The following FMN1 variants were observed in gnomAD, a reference collection of about 807,000 sequenced individuals.
FMN1 encodes the protein formin-1.
Under a neutral mutation model 132.4 loss-of-function variants are expected in FMN1, and 110 were observed. That is an observed-to-expected ratio of 0.83 (90% CI 0.71 to 0.97). FMN1 has a LOEUF of 0.97. Among genes scored for constraint, FMN1 ranks in the 50% least tolerant of loss-of-function variants. The pLI is 0.00. For missense variants in FMN1, 1,792 were observed against 1,705.3 expected, an observed-to-expected ratio of 1.05 and a Z score of -0.90; for synonymous variants, 722 against 651.7, an observed-to-expected ratio of 1.11 and a Z score of -1.64.
chr15:32,820,729 A>T (rs899030948), intron 17 of FMN1, among the ~76,000 whole-genome samples: 1 of 152,216 alleles, frequency 6.6e-6, no homozygotes, highest in Non-Finnish European at 1.5e-5. Flanking sequence ...TAATACTACG[A>T]AGGGCTGATA....
chr15:32,973,296 C>T (rs1449180042), intron 7 of FMN1, among the ~76,000 whole-genome samples: 1 of 152,140 alleles, frequency 6.6e-6, no homozygotes, highest in African/African-American at 2.4e-5. Context: ...CCCTGGATTC[C>T]AGTTTCCTAA....
At chr15:32,962,687 T>C (rs1335747506) in intron 9 of FMN1, among the ~76,000 whole-genome samples, 2 of 148,214 alleles carry the variant, frequency 1.3e-5, no homozygotes, top group East Asian at 2.0e-4. Flanking sequence ...GCGAAGGACA[T>C]GAACAGACAC....
At chr15:33,166,331 T>TC (rs1239472839) in intron 3 of FMN1, among the ~76,000 whole-genome samples, 1 of 151,742 alleles carries the variant, frequency 6.6e-6, no homozygotes, top group African/African-American at 2.4e-5. Context: ...TTTCTTTTTT[T>TC]TTTTTTAAAG....
At chr15:32,999,046 C>T (rs2033941784) in intron 7 of FMN1, among the ~76,000 whole-genome samples, 1 of 152,184 alleles carries the variant, frequency 6.6e-6, no homozygotes, top group East Asian at 1.9e-4. Flanking sequence ...TTCACAGTCA[C>T]ACTAAAATGA....
intron 6 of FMN1, among the ~76,000 whole-genome samples, chr15:33,031,507 C>T (rs2035936685): frequency 6.6e-6 from 1 of 152,160 alleles, no homozygotes; most frequent in Admixed American, 6.5e-5. Context: ...AGGTTTTTTT[C>T]CACTTGGCCA....
chr15:32,963,362 G>T (rs1271311660), intron 9 of FMN1, among the ~76,000 whole-genome samples: 1 of 135,550 alleles, frequency 7.4e-6, no homozygotes, highest in African/African-American at 2.7e-5. Flanking sequence ...GGGGGTGGGG[G>T]GAGGGAAAGC....
At chr15:33,103,204 A>C (rs1210381733) in intron 4 of FMN1, among the ~76,000 whole-genome samples, 1 of 152,090 alleles carries the variant, frequency 6.6e-6, no homozygotes, top group Non-Finnish European at 1.5e-5. Flanking sequence ...ATCAGTCCTA[A>C]TGAACACTTA....
At chr15:33,122,018 T>TA (rs1962608476) in intron 4 of FMN1, among the ~76,000 whole-genome samples, 1 of 152,216 alleles carries the variant, frequency 6.6e-6, no homozygotes, top group African/African-American at 2.4e-5. Context: ...ACACGATCTC[T>TA]ACTTTCAAGG....
rs530681824 is a variant in FMN1, at chr15:32,947,531, G to C, written c.3138+16576C>G. Reference sequence around the variant, plus strand: ...ATTTGTTCTTGCATGCAAATTTTTAGAATAAGCTTGTTAAATTCCAAGTAA... The same window carrying C: ...ATTTGTTCTTGCATGCAAATTTTTACAATAAGCTTGTTAAATTCCAAGTAA... On this transcript the variant is annotated intron_variant, in intron 9 of 20. Transcript: ENST00000616417. 1.6e-4 allele frequency among the ~76,000 whole-genome samples: 24 copies of C among 151,478 alleles called. No individual in the cohort carries two copies. The South Asian group carries it at 4.7e-3, about 30-fold the overall frequency.
intron 9 of FMN1, among the ~76,000 whole-genome samples, chr15:32,962,455 C>T (rs1159035323): frequency 6.6e-6 from 1 of 151,806 alleles, no homozygotes; most frequent in Admixed American, 6.6e-5. Flanking sequence ...GTCTAAAACA[C>T]CAAAAGCAAT....
rs186412241 is a variant in FMN1 at position 32,908,186 on chromosome 15, T to C, written c.3377+304A>G. On this transcript the variant is annotated intron_variant, in intron 12 of 20. Coordinates refer to ENST00000616417, the MANE Select transcript of FMN1 (RefSeq NM_001277313.2). ...TTAAACAGAACAATGCCTTCTTCCT[T>C]CCTCAGTTACCCTTTTGGTCAAATT... 5.1e-5 allele frequency: 13 copies of C among 253,448 alleles called. 1 individual carries two copies. The East Asian group carries it at 9.8e-4, about 19-fold the overall frequency. The allele number at this position is 253,448 out of a possible 1,614,324, so 15.7% of individuals were successfully genotyped here.
chr15:33,140,760 G>A (rs1292686102), intron 4 of FMN1, among the ~76,000 whole-genome samples: 1 of 152,180 alleles, frequency 6.6e-6, no homozygotes, highest in Admixed American at 6.5e-5. Context: ...GTTTATCGTG[G>A]AAACAGCATG....
At chr15:32,887,742 G>A (rs1177709017) in intron 16 of FMN1, among the ~76,000 whole-genome samples, 2 of 152,162 alleles carry the variant, frequency 1.3e-5, no homozygotes, top group African/African-American at 2.4e-5. Flanking sequence ...GACTTGATTA[G>A]AGCTCAGTAA....
At chr15:32,883,719 C>A (rs1396778557) in intron 16 of FMN1, among the ~76,000 whole-genome samples, 2 of 151,994 alleles carry the variant, frequency 1.3e-5, no homozygotes, top group Non-Finnish European at 2.9e-5. Context: ...ACCTTTTACA[C>A]AACTTATGCT....
At chr15:32,949,897 G>A (rs1216320706) in intron 9 of FMN1, among the ~76,000 whole-genome samples, 15 of 129,360 alleles carry the variant, frequency 1.2e-4, no homozygotes, top group African/African-American at 4.2e-4. Context: ...CAAAGGACAT[G>A]AACAGACACT....
At chr15:33,061,614 A>ACC (rs1265499679) in intron 6 of FMN1, among the ~76,000 whole-genome samples, 2,315 of 152,230 alleles carry the variant, frequency 0.015, 55 homozygotes, top group African/African-American at 0.053. Flanking sequence ...TAGAAGAATG[A>ACC]ATATATAAGG....
intron 16 of FMN1, among the ~76,000 whole-genome samples, 193 bp downstream of exon 16, chr15:32,887,979 T>A (rs1385289686): frequency 6.6e-6 from 1 of 151,400 alleles, no homozygotes. Context: ...TCAACACTAA[T>A]AAAAGAGAAG....
intron 4 of FMN1, among the ~76,000 whole-genome samples, chr15:33,118,123 C>G (rs745718662): frequency 6.6e-6 from 1 of 152,124 alleles, no homozygotes; most frequent in Non-Finnish European, 1.5e-5. Context: ...GCATGTATCT[C>G]TATGGAATGC....
At chr15:33,030,396 T>C (rs2035881594) in intron 6 of FMN1, among the ~76,000 whole-genome samples, 1 of 152,200 alleles carries the variant, frequency 6.6e-6, no homozygotes, top group South Asian at 2.1e-4. Flanking sequence ...AATGTATTCC[T>C]GAATCCCCAA....
Sources: gnomAD v4.1 joint callset for allele counts (sites outside exome capture counted in the v4.1 genomes callset) on GRCh38, gnomAD v4.1.1 for gene constraint, MANE v1.5 for transcripts, NCBI Gene and HGNC (gene_info 2026-07-23, HGNC 2026-07-21) for gene names.